The following FAM227A variants were observed in gnomAD, a reference collection of about 807,000 sequenced individuals.
The protein encoded by FAM227A is family with sequence similarity 227 member A.
A neutral mutation model predicts 74.7 loss-of-function variants in FAM227A; 80 were observed. The ratio of observed to expected loss-of-function variants is 1.07; its 90% CI spans 0.89 to 1.29. The LOEUF is 1.29. FAM227A is among the 50% of genes most tolerant of loss of function. The pLI, the probability that FAM227A is intolerant of heterozygous loss-of-function variation, is 0.00. For missense variants in FAM227A, 654 were observed against 683.4 expected (o/e 0.96, Z 0.48); for synonymous variants, 237 against 241.8 (o/e 0.98, Z 0.19).
At chr22:38,624,895 T>G (rs2091764659) in intron 9 of FAM227A, among the ~76,000 whole-genome samples, 1 of 152,190 alleles carries the variant, frequency 6.6e-6, no homozygotes, top group African/African-American at 2.4e-5. Context: ...AGACTACACT[T>G]AAACGCAGAG....
chr22:38,628,099 T>G (rs2091846768), intron 8 of FAM227A, 139 bp downstream of exon 8: 2 of 617,936 alleles, frequency 3.2e-6, no homozygotes, highest in African/African-American at 1.8e-5. Context: ...TTGTAACTTC[T>G]GCATTGCAAG....
chr22:38,614,799 T>A (rs1443692048), intron 11 of FAM227A, among the ~76,000 whole-genome samples: 1 of 152,158 alleles, frequency 6.6e-6, no homozygotes, highest in Non-Finnish European at 1.5e-5. Context: ...AACACACGCT[T>A]GTTTCAAGCC....
chr22:38,637,858 C>T (rs1251983807), intron 5 of FAM227A, among the ~76,000 whole-genome samples: 1 of 152,176 alleles, frequency 6.6e-6, no homozygotes, highest in Non-Finnish European at 1.5e-5. Flanking sequence ...ATACTTAAGA[C>T]CTAGGCAGTG....
intron 15 of FAM227A, 94 bp from the exon 16 acceptor site, chr22:38,591,634 G>C: frequency 1.2e-6 from 1 of 814,558 alleles, no homozygotes; most frequent in Non-Finnish European, 1.8e-6. Flanking sequence ...AGATCCACGT[G>C]ACCATTTACA....
chr22:38,649,043 T>C (rs1385368053), intron 2 of FAM227A, among the ~76,000 whole-genome samples: 1 of 152,050 alleles, frequency 6.6e-6, no homozygotes, highest in Non-Finnish European at 1.5e-5. Flanking sequence ...CCACAATTTC[T>C]TAGTTGCTAT....
intron 3 of FAM227A, among the ~76,000 whole-genome samples, chr22:38,642,203 A>C (rs2092131578): frequency 6.6e-6 from 1 of 152,188 alleles, no homozygotes; most frequent in African/African-American, 2.4e-5. Context: ...CTACTGCCTG[A>C]AAACTGAACA....
chr22:38,624,467 G>A (rs764764349), intron 9 of FAM227A, among the ~76,000 whole-genome samples: 2 of 152,160 alleles, frequency 1.3e-5, no homozygotes, highest in Non-Finnish European at 1.5e-5. Flanking sequence ...AGAAAGGCCT[G>A]CTTGCGAGGA....
At chr22:38,587,104 A>G (rs2090826516) in intron 16 of FAM227A, among the ~76,000 whole-genome samples, 1 of 152,216 alleles carries the variant, frequency 6.6e-6, no homozygotes, top group Non-Finnish European at 1.5e-5. Context: ...AATAAAACTT[A>G]TGGAGTGCAG....
chr22:38,618,142 T>G (rs984468427), intron 11 of FAM227A, among the ~76,000 whole-genome samples: 1 of 152,172 alleles, frequency 6.6e-6, no homozygotes, highest in Non-Finnish European at 1.5e-5. Flanking sequence ...CATCCCAAAA[T>G]AGGCCACTTT....
At chr22:38,601,959 G>A (rs2091188531) in intron 13 of FAM227A, among the ~76,000 whole-genome samples, 4 of 152,118 alleles carry the variant, frequency 2.6e-5, no homozygotes, top group Admixed American at 2.6e-4. Flanking sequence ...CTGGGGCCAA[G>A]AATGGTTTGT....
At chr22:38,646,318 G>A (rs2092238416) in intron 2 of FAM227A, among the ~76,000 whole-genome samples, 1 of 128,878 alleles carries the variant, frequency 7.8e-6, no homozygotes, top group Admixed American at 9.0e-5. Context: ...GGAGTGCAGT[G>A]GCGGGATCTC....
chr22:38,582,262 C>T lies in FAM227A; in HGVS notation c.*3863G>A, dbSNP rs1021189942. On this transcript the variant is annotated 3_prime_UTR_variant, in exon 17 of 17. Coordinates refer to ENST00000535113, the MANE Select transcript of FAM227A (RefSeq NM_001013647.2). ...GCTATCCCTCCTGTTCTTCAGGAAA[C>T]TGTATGTTCTAAAACATACATTTCA... The T allele has an allele frequency of 3.7e-6, 5 of 1,358,384 alleles. No individual in the cohort carries two copies. The highest frequency in any genetic ancestry group is 2.9e-5 in the African/African-American group (2 of 69,230). The allele number at this position is 1,358,384 out of a possible 1,614,324, so 84.1% of individuals were successfully genotyped here. A position where few individuals can be genotyped will look rare whatever the true frequency, so the allele number is the denominator to read the frequency against.
In FAM227A at chr22:38,626,913, T is replaced by TATATATATATAC. The variant is rs34078214; in HGVS notation, c.727-611_727-610insGTATATATATAT. Among the ~76,000 whole-genome samples the TATATATATATAC allele has an allele frequency of 3.7e-3, 331 of 89,744 alleles. 7 individuals carry two copies. Among genetic ancestry groups the TATATATATATAC allele is most frequent in the African/African-American group, 6.8e-3 (162 of 23,792 alleles). The allele number at this position is 89,744 out of a possible 152,430, so 58.9% of individuals were successfully genotyped here. ...AAAAATATATATATATATATATATA[T>TATATATATATAC]ACACGTATATATATTCTATATATAG... On this transcript the variant is annotated intron_variant, in intron 8 of 16. Transcript: ENST00000535113.
At chr22:38,626,449 G>T in intron 8 of FAM227A, 146 bp from the exon 9 acceptor site, 1 of 1,042,742 alleles carries the variant, frequency 9.6e-7, no homozygotes, top group South Asian at 1.9e-5. Flanking sequence ...TGTTACCCAG[G>T]CTGGATTTGA....
At chr22:38,639,326 T>C (rs1167645772) in intron 4 of FAM227A, among the ~76,000 whole-genome samples, 3 of 151,772 alleles carry the variant, frequency 2.0e-5, no homozygotes, top group African/African-American at 4.8e-5. Flanking sequence ...GGAGAATTGC[T>C]TGAACCCGGG....
At chr22:38,591,941 A>G (rs2146150091) in intron 15 of FAM227A, among the ~76,000 whole-genome samples, 1 of 151,770 alleles carries the variant, frequency 6.6e-6, no homozygotes, top group Non-Finnish European at 1.5e-5. Context: ...CTTCTCAACA[A>G]TATCTTTTTT....
At chr22:38,653,367 G>A (rs1388849369) in intron 1 of FAM227A, among the ~76,000 whole-genome samples, 1 of 148,992 alleles carries the variant, frequency 6.7e-6, no homozygotes, top group African/African-American at 2.5e-5. Context: ...AGTGCACAAT[G>A]AATGTAATGC....
chr22:38,646,453 G>A (rs952466516), intron 2 of FAM227A, among the ~76,000 whole-genome samples: 19 of 150,000 alleles, frequency 1.3e-4, no homozygotes, highest in Non-Finnish European at 2.2e-4. Context: ...TAGTAGAGAC[G>A]GGGTTTCACC....
At chr22:38,612,185 CAG>C (rs2091426961) in intron 11 of FAM227A, among the ~76,000 whole-genome samples, 1 of 152,214 alleles carries the variant, frequency 6.6e-6, no homozygotes, top group Admixed American at 6.5e-5. Flanking sequence ...ATTCAAAAGA[CAG>C]TGTGATCTTT....
Sources: gnomAD v4.1 joint callset for allele counts (sites outside exome capture counted in the v4.1 genomes callset) on GRCh38, gnomAD v4.1.1 for gene constraint, MANE v1.5 for transcripts, NCBI Gene and HGNC (gene_info 2026-07-23, HGNC 2026-07-21) for gene names.